Variants in SLC35F4 observed in about 807,000 individuals in gnomAD.
SLC35F4 encodes the protein solute carrier family 35 member F4, also known as chromosome 14 open reading frame 36.
Under a neutral mutation model 44.2 loss-of-function variants are expected in SLC35F4, and 24 were observed. That is an observed-to-expected ratio of 0.54 (90% confidence interval 0.39 to 0.76). The LOEUF is 0.76. Ranked by LOEUF, SLC35F4 falls within the 30% of genes least tolerant of loss-of-function variation. SLC35F4 has a pLI of 0.00. For missense variants in SLC35F4, 562 were observed against 586.1 expected (o/e 0.96, Z 0.42); for synonymous variants, 238 against 223.6 (o/e 1.06, Z -0.57).
At chr14:57,721,883 G>A (rs951338463) in intron 1 of SLC35F4, among the ~76,000 whole-genome samples, 11 of 152,156 alleles carry the variant, frequency 7.2e-5, no homozygotes, top group Non-Finnish European at 1.3e-4. Flanking sequence ...TGAGGCAACA[G>A]TGATGGCCCC....
Position 57,899,494 on chromosome 14 carries a change from T to C in SLC35F4, n.282+82419A>G, listed in dbSNP as rs1364865678. On this transcript the variant is annotated intron_variant and non_coding_transcript_variant, in intron 1 of 1. Transcript: ENST00000556568. ...AATAAGCACACAACATGTGAAACTC[T>C]TTGAGAACCATAAAGTGCTACACAA... 2.0e-5 allele frequency among the ~76,000 whole-genome samples: 3 copies of C among 152,364 alleles called. No homozygotes were observed. The East Asian group carries it at 5.8e-4, about 29-fold the overall frequency.
chr14:57,734,488 G>A (rs2076418843), intron 1 of SLC35F4, among the ~76,000 whole-genome samples: 1 of 152,056 alleles, frequency 6.6e-6, no homozygotes, highest in African/African-American at 2.4e-5. Context: ...TCTCATTGTG[G>A]AGTAACATAT....
At chr14:57,830,726 C>A (rs2140935292) in intron 1 of SLC35F4, among the ~76,000 whole-genome samples, 1 of 152,246 alleles carries the variant, frequency 6.6e-6, no homozygotes, top group Admixed American at 6.5e-5. Flanking sequence ...AAAATACCAA[C>A]TTTATCTATG....
intron 1 of SLC35F4, among the ~76,000 whole-genome samples, chr14:57,969,860 T>C (rs973948389): frequency 2.0e-5 from 3 of 152,236 alleles, no homozygotes; most frequent in African/African-American, 4.8e-5. Flanking sequence ...CGGATGTTCA[T>C]GGTTCTTGAG....
chr14:57,649,705 T>C (rs1259937225), intron 1 of SLC35F4, among the ~76,000 whole-genome samples: 1 of 152,178 alleles, frequency 6.6e-6, no homozygotes, highest in Non-Finnish European at 1.5e-5. Flanking sequence ...ACTGTATTTC[T>C]AGTGGCTGGC....
intron 1 of SLC35F4, among the ~76,000 whole-genome samples, chr14:57,786,411 C>T (rs1309501557): frequency 6.6e-6 from 1 of 152,192 alleles, no homozygotes; most frequent in Non-Finnish European, 1.5e-5. Flanking sequence ...CTCCACACTA[C>T]TACAGCTGAT....
At chr14:57,973,576 G>A (rs1371760567), downstream of SLC35F4, among the ~76,000 whole-genome samples, 1 of 152,134 alleles carries the variant, frequency 6.6e-6, no homozygotes, top group Non-Finnish European at 1.5e-5. Flanking sequence ...AAATGTTGTG[G>A]CCCAATCACA....
chr14:57,828,793 A>G (rs1374666549), intron 1 of SLC35F4, among the ~76,000 whole-genome samples: 3 of 152,202 alleles, frequency 2.0e-5, no homozygotes, highest in African/African-American at 7.2e-5. Flanking sequence ...CATGGGGTGA[A>G]GGATTCAGCA....
At chr14:57,636,338 G>A (rs890467688) in intron 1 of SLC35F4, among the ~76,000 whole-genome samples, 1 of 152,084 alleles carries the variant, frequency 6.6e-6, no homozygotes, top group Non-Finnish European at 1.5e-5. Context: ...TATTGCAGAG[G>A]TTGCACTGAA....
chr14:57,721,375 A>T (rs2076082519), intron 1 of SLC35F4, among the ~76,000 whole-genome samples: 1 of 152,212 alleles, frequency 6.6e-6, no homozygotes, highest in South Asian at 2.1e-4. Flanking sequence ...AGCAAGGAAC[A>T]TAATGAAGTT....
At chr14:57,953,833 C>CTT (rs915171330) in intron 1 of SLC35F4, among the ~76,000 whole-genome samples, 37 of 152,282 alleles carry the variant, frequency 2.4e-4, no homozygotes, top group African/African-American at 8.9e-4. Context: ...TAGTGGGAGA[C>CTT]TTTAACACCC....
intron 1 of SLC35F4, among the ~76,000 whole-genome samples, chr14:57,877,400 C>T (rs1324457563): frequency 6.6e-6 from 1 of 152,130 alleles, no homozygotes; most frequent in Non-Finnish European, 1.5e-5. Context: ...ATCCAGTCGA[C>T]CATTGATTGC....
At chr14:57,914,541 C>T (rs1186734070) in intron 1 of SLC35F4, among the ~76,000 whole-genome samples, 4 of 151,562 alleles carry the variant, frequency 2.6e-5, no homozygotes, top group Non-Finnish European at 5.9e-5. Context: ...CCAGCCTGGG[C>T]AGCATAGCGA....
At chr14:57,954,647 C>T (rs973848372) in intron 1 of SLC35F4, among the ~76,000 whole-genome samples, 6 of 152,114 alleles carry the variant, frequency 3.9e-5, no homozygotes, top group African/African-American at 1.2e-4. Flanking sequence ...CTATAAACAC[C>T]TCCATGCAAA....
intron 1 of SLC35F4, among the ~76,000 whole-genome samples, chr14:57,779,862 A>G (rs1010416175): frequency 9.9e-5 from 15 of 152,062 alleles, no homozygotes; most frequent in African/African-American, 3.6e-4. Flanking sequence ...ATGCAGAAAA[A>G]GCTTTCAATA....
At chr14:57,671,320 G>A (rs1191998467) in intron 1 of SLC35F4, among the ~76,000 whole-genome samples, 1 of 151,916 alleles carries the variant, frequency 6.6e-6, no homozygotes, top group African/African-American at 2.4e-5. Context: ...ACAGGTCTCA[G>A]GTCCAAAAGA....
At chr14:57,816,052 T>A (rs1882540754) in intron 1 of SLC35F4, among the ~76,000 whole-genome samples, 1 of 152,194 alleles carries the variant, frequency 6.6e-6, no homozygotes, top group African/African-American at 2.4e-5. Flanking sequence ...CAGGGCATTT[T>A]CATTTTACCC....
At chr14:57,919,958 C>T (rs781159609) in intron 1 of SLC35F4, among the ~76,000 whole-genome samples, 4 of 152,122 alleles carry the variant, frequency 2.6e-5, no homozygotes, top group African/African-American at 7.2e-5. Flanking sequence ...ACTTTGCCAC[C>T]TTTCAGATCC....
chr14:57,903,551 T>G (rs1400522026), intron 1 of SLC35F4, among the ~76,000 whole-genome samples: 1 of 152,206 alleles, frequency 6.6e-6, no homozygotes, highest in African/African-American at 2.4e-5. Flanking sequence ...CCTTCCCAAC[T>G]GCCTGCCCTG....
Sources: allele counts gnomAD v4.1 joint callset (sites outside exome capture counted in the v4.1 genomes callset), GRCh38; gene constraint gnomAD v4.1.1; transcripts MANE v1.5; gene names NCBI Gene and HGNC (gene_info 2026-07-23, HGNC 2026-07-21).